The following MGAT4C variants were observed in gnomAD, a reference collection of about 807,000 sequenced individuals.
The protein encoded by MGAT4C is alpha-1,3-mannosyl-glycoprotein 4-beta-N-acetylglucosaminyltransferase C.
A neutral mutation model predicts 40.1 loss-of-function variants in MGAT4C; 19 were observed. The observed-to-expected ratio is 0.47, with a 90% CI of 0.33 to 0.70. The LOEUF is 0.70. Among genes scored for constraint, MGAT4C ranks in the 30% least tolerant of loss-of-function variants. The pLI, the probability that MGAT4C is intolerant of heterozygous loss-of-function variation, is 0.02. For missense variants in MGAT4C, 491 were observed against 563.2 expected, an observed-to-expected ratio of 0.87 and a Z score of 1.30; for synonymous variants, 181 against 187.1, an observed-to-expected ratio of 0.97 and a Z score of 0.27.
At chr12:86,511,910 A>G (rs954988213) in intron 2 of MGAT4C, among the ~76,000 whole-genome samples, 1 of 152,178 alleles carries the variant, frequency 6.6e-6, no homozygotes, top group Non-Finnish European at 1.5e-5. Context: ...ACATCAAACT[A>G]AAAATCTTTT....
rs909036902 is a variant in MGAT4C at position 85,965,733 on chromosome 12, C to A, written c.*13556G>T. On this transcript the variant is annotated 3_prime_UTR_variant, in exon 5 of 5. Coordinates refer to ENST00000611864, the MANE Select transcript of MGAT4C (RefSeq NM_001351288.2). ...TTTGAAACAGAACTTTTCCTAGCTT[C>A]TAAATGATTAGAAATTTCAGCTTTG... The A allele has an allele frequency of 2.0e-5, 3 of 151,752 alleles. No homozygotes were observed. The highest frequency in any genetic ancestry group is 6.6e-5 in the Admixed American group (1 of 15,210). 9.4% of individuals were successfully genotyped at this position (151,752 alleles called of 1,614,324 possible).
At chr12:86,228,653 T>G (rs1046958095) in intron 1 of MGAT4C, among the ~76,000 whole-genome samples, 1 of 150,668 alleles carries the variant, frequency 6.6e-6, no homozygotes, top group Non-Finnish European at 1.5e-5. Flanking sequence ...AATAAGGATT[T>G]GCATTTGTGA....
chr12:86,509,185 T>C (rs1219266432), intron 2 of MGAT4C, among the ~76,000 whole-genome samples: 1 of 152,198 alleles, frequency 6.6e-6, no homozygotes, highest in Non-Finnish European at 1.5e-5. Flanking sequence ...AGGGTTTTTA[T>C]GGTTTGAGGT....
chr12:86,740,534 T>C (rs1338405401), intron 1 of MGAT4C, among the ~76,000 whole-genome samples: 3 of 151,264 alleles, frequency 2.0e-5, no homozygotes, highest in African/African-American at 7.3e-5. Flanking sequence ...TGAAATTTAA[T>C]GCCACTTCTG....
chr12:86,408,677 G>T (rs996923866), intron 3 of MGAT4C, among the ~76,000 whole-genome samples: 3 of 151,262 alleles, frequency 2.0e-5, no homozygotes, highest in Non-Finnish European at 4.4e-5. Context: ...GGTAGGAAGG[G>T]ACATATTTAA....
At chr12:86,156,550 A>C (rs1029593812) in intron 1 of MGAT4C, among the ~76,000 whole-genome samples, 1 of 152,150 alleles carries the variant, frequency 6.6e-6, no homozygotes, top group African/African-American at 2.4e-5. Flanking sequence ...CAAACTCCCG[A>C]TCTCAGGTGA....
At chr12:86,331,361 G>A (rs973336953) in intron 4 of MGAT4C, among the ~76,000 whole-genome samples, 1 of 152,084 alleles carries the variant, frequency 6.6e-6, no homozygotes, top group African/African-American at 2.4e-5. Flanking sequence ...ATGTACAACT[G>A]TGGCATTTTT....
At chr12:86,320,950 T>C (rs752019929) in intron 4 of MGAT4C, among the ~76,000 whole-genome samples, 48 of 152,258 alleles carry the variant, frequency 3.2e-4, no homozygotes, top group Admixed American at 1.3e-3. Context: ...TTGCACTATT[T>C]AATCCCATTC....
chr12:86,503,862 C>A (rs1267422113), intron 2 of MGAT4C, among the ~76,000 whole-genome samples: 1 of 124,906 alleles, frequency 8.0e-6, no homozygotes, highest in South Asian at 2.8e-4. Flanking sequence ...TTAAAGCTTC[C>A]CTAAAAAAAT....
intron 2 of MGAT4C, among the ~76,000 whole-genome samples, chr12:86,014,984 T>A (rs1186203400): frequency 6.7e-6 from 1 of 149,544 alleles, no homozygotes; most frequent in Non-Finnish European, 1.5e-5. Context: ...CTTTCTTTTT[T>A]TTTTTTTTTG....
chr12:86,605,716 A>G lies in MGAT4C; in HGVS notation c.-229+121493T>C, dbSNP rs573393110. Among the ~76,000 whole-genome samples the G allele has an allele frequency of 2.0e-5, 3 of 152,254 alleles. No homozygotes were observed. In the East Asian group the frequency reaches 5.8e-4, roughly 29 times the overall value. ...CTTGGAAGATTTCCATTTTGAGTGA[A>G]ACTGTGTAGCATTCCATTCCCAGCA... On this transcript the variant is annotated intron_variant, in intron 2 of 7. Transcript: ENST00000548651.
intron 1 of MGAT4C, among the ~76,000 whole-genome samples, chr12:86,185,350 G>A (rs1241884403): frequency 6.6e-6 from 1 of 152,012 alleles, no homozygotes; most frequent in Admixed American, 6.6e-5. Context: ...CACAAAATAT[G>A]TCTGATACAT....
chr12:86,075,184 T>G (rs1285835262), intron 1 of MGAT4C, among the ~76,000 whole-genome samples: 1 of 152,164 alleles, frequency 6.6e-6, no homozygotes, highest in Non-Finnish European at 1.5e-5. Context: ...GGTACAGTAT[T>G]GGGTAAATAC....
chr12:86,539,533 G>T (rs1290667964), intron 2 of MGAT4C, among the ~76,000 whole-genome samples: 1 of 152,110 alleles, frequency 6.6e-6, no homozygotes, highest in East Asian at 1.9e-4. Flanking sequence ...CTTTGGGTAT[G>T]TACCCAGTAA....
chr12:86,769,082 AC>A (rs1257992665), intron 1 of MGAT4C, among the ~76,000 whole-genome samples: 3 of 152,124 alleles, frequency 2.0e-5, no homozygotes. Context: ...TGAACAGGCA[AC>A]CTACAAAATG....
At chr12:86,554,159 C>CAT (rs1959500747) in intron 2 of MGAT4C, among the ~76,000 whole-genome samples, 1 of 144,726 alleles carries the variant, frequency 6.9e-6, no homozygotes, top group African/African-American at 2.5e-5. Flanking sequence ...CACACACACA[C>CAT]GTGTTCAGGC....
chr12:86,373,346 T>G (rs1437701711), intron 3 of MGAT4C, among the ~76,000 whole-genome samples: 1 of 151,998 alleles, frequency 6.6e-6, no homozygotes, highest in African/African-American at 2.4e-5. Context: ...AGATCAGTCT[T>G]GGGACTGACC....
intron 2 of MGAT4C, among the ~76,000 whole-genome samples, chr12:86,003,366 T>G (rs1887545310): frequency 6.6e-6 from 1 of 152,184 alleles, no homozygotes; most frequent in Non-Finnish European, 1.5e-5. Context: ...GTCTTCTAGA[T>G]GCTTAGGATT....
chr12:86,095,115 T>G (rs1873671893), intron 1 of MGAT4C, among the ~76,000 whole-genome samples: 1 of 152,140 alleles, frequency 6.6e-6, no homozygotes, highest in African/African-American at 2.4e-5. Flanking sequence ...ATATAAATGA[T>G]GTATGTTTAA....
Sources: gnomAD v4.1 joint callset for allele counts (sites outside exome capture counted in the v4.1 genomes callset) on GRCh38, gnomAD v4.1.1 for gene constraint, MANE v1.5 for transcripts, NCBI Gene and HGNC (gene_info 2026-07-23, HGNC 2026-07-21) for gene names.